Variants in CARMIL1 observed in about 807,000 individuals in gnomAD.
CARMIL1 encodes the protein F-actin-uncapping protein LRRC16A.
Under a neutral mutation model 177.1 loss-of-function variants are expected in CARMIL1, and 90 were observed. The observed-to-expected ratio is 0.51, with a 90% CI of 0.43 to 0.61. The LOEUF (loss-of-function observed/expected upper bound fraction) is 0.61, where lower values mean the gene tolerates loss of function less well. CARMIL1 is among the 20% of genes least tolerant of loss of function. CARMIL1 has a pLI of 0.00. For missense variants in CARMIL1, 1,380 were observed against 1,667.0 expected (o/e 0.83, Z 3.00); for synonymous variants, 577 against 606.2 (o/e 0.95, Z 0.71).
intron 27 of CARMIL1, among the ~76,000 whole-genome samples, chr6:25,553,649 T>C (rs1388304417): frequency 6.6e-6 from 1 of 152,224 alleles, no homozygotes; most frequent in East Asian, 1.9e-4. Flanking sequence ...CTTAATTTAC[T>C]CCAGCCCAGG....
intron 2 of CARMIL1, among the ~76,000 whole-genome samples, chr6:25,397,212 C>G (rs887576279): frequency 2.6e-5 from 4 of 152,154 alleles, no homozygotes; most frequent in African/African-American, 9.7e-5. Context: ...ATTTGAACTT[C>G]TTTTCCCCCA....
intron 2 of CARMIL1, among the ~76,000 whole-genome samples, chr6:25,380,008 T>G (rs1240635855): frequency 1.3e-5 from 2 of 152,070 alleles, no homozygotes; most frequent in Non-Finnish European, 2.9e-5. Context: ...TTCTGCTCTT[T>G]AAGGACTCTC....
chr6:25,610,172 T>C lies in CARMIL1; in HGVS notation c.3970T>C (p.Ser1324Pro). The change falls in exon 36 of 37, where the codon TCA becomes CCA. Residue 1324 changes from serine to proline, a missense_variant. Transcript: ENST00000329474. Reference protein sequence around the residue: ...SSPQPSPRTFSQEVSRRSWGQ... With the variant: ...SSPQPSPRTFPQEVSRRSWGQ... Reference sequence around the variant, plus strand: ...CCCCCAGCCCAGCCCCAGGACATTTTCACAGGAAGGTAAGGATTGTAAGGA... The same window carrying C: ...CCCCCAGCCCAGCCCCAGGACATTTCCACAGGAAGGTAAGGATTGTAAGGA... The C allele has an allele frequency of 6.2e-7, 1 of 1,613,332 alleles. No individual in the cohort carries two copies. The highest frequency in any genetic ancestry group is 8.5e-7 in the Non-Finnish European group (1 of 1,179,588).
Position 25,594,948 on chromosome 6 carries a change from G to A in CARMIL1, c.3119+421G>A, listed in dbSNP as rs1204907960. Among the ~76,000 whole-genome samples the A allele has an allele frequency of 2.6e-5, 4 of 152,250 alleles. No homozygotes were observed. The South Asian group carries it at 6.2e-4, about 24-fold the overall frequency. Reference sequence around the variant, plus strand: ...GTTATGCTGGAATTACTTACTTTGAGCTTCTCCTTGTTCATAATTTGATTT... The same window carrying A: ...GTTATGCTGGAATTACTTACTTTGAACTTCTCCTTGTTCATAATTTGATTT... On this transcript the variant is annotated intron_variant, in intron 32 of 36. Coordinates refer to ENST00000329474, the MANE Select transcript of CARMIL1 (RefSeq NM_017640.6).
At chr6:25,431,756 C>G (rs1796811010) in intron 4 of CARMIL1, among the ~76,000 whole-genome samples, 1 of 152,016 alleles carries the variant, frequency 6.6e-6, no homozygotes, top group Non-Finnish European at 1.5e-5. Flanking sequence ...TAGTCTTGCC[C>G]CTTTCAATAT....
At chr6:25,418,255 T>C (rs1795531944) in intron 2 of CARMIL1, among the ~76,000 whole-genome samples, 3 of 152,168 alleles carry the variant, frequency 2.0e-5, no homozygotes, top group Admixed American at 2.0e-4. Flanking sequence ...CTGGACACCC[T>C]ACAAGCAGGA....
intron 17 of CARMIL1, among the ~76,000 whole-genome samples, chr6:25,505,143 C>A (rs1363158468): frequency 6.6e-6 from 1 of 152,210 alleles, no homozygotes; most frequent in Non-Finnish European, 1.5e-5. Flanking sequence ...TTACATCTTT[C>A]AAGAAGGATT....
chr6:25,515,929 CG>C lies in CARMIL1; in HGVS notation c.1805+83del. 7.1e-7 allele frequency: 1 copy of C among 1,417,192 alleles called. No individual in the cohort carries two copies. 87.8% of individuals were successfully genotyped at this position (1,417,192 alleles called of 1,614,324 possible). The stretch of plus-strand genomic sequence containing the variant: ...GCAAGCATTGCAGAGCTGCTGGGCC[CG>C]AGGGGACCTGGGCTTCCCATGAGGC... On this transcript the variant is annotated intron_variant, in intron 21 of 36. Coordinates refer to ENST00000329474, the MANE Select transcript of CARMIL1 (RefSeq NM_017640.6). The surrounding 1 kb of genome is among the most constrained non-coding windows in gnomAD (Gnocchi z 5.0).
At chr6:25,608,897 T>A (rs1304671939) in intron 35 of CARMIL1, among the ~76,000 whole-genome samples, 1 of 152,152 alleles carries the variant, frequency 6.6e-6, no homozygotes, top group Non-Finnish European at 1.5e-5. Context: ...GATCCAGTAG[T>A]CAAGGGTGTC....
chr6:25,375,184 G>A (rs1188502051), intron 2 of CARMIL1, among the ~76,000 whole-genome samples: 1 of 152,128 alleles, frequency 6.6e-6, no homozygotes, highest in South Asian at 2.1e-4. Flanking sequence ...TGTAGGGTTG[G>A]TCTGGTAGTG....
At chr6:25,550,111 C>T (rs1809932066) in intron 26 of CARMIL1, among the ~76,000 whole-genome samples, 1 of 152,188 alleles carries the variant, frequency 6.6e-6, no homozygotes, top group East Asian at 1.9e-4. Flanking sequence ...CCAACCGTAT[C>T]ACCCATCTCA....
intron 2 of CARMIL1, among the ~76,000 whole-genome samples, chr6:25,395,647 CCTT>C (rs1337647500): frequency 2.0e-5 from 3 of 152,130 alleles, no homozygotes; most frequent in African/African-American, 4.8e-5. Context: ...CATTTTGGGA[CCTT>C]CTTTAATGAT....
At chr6:25,374,520 C>T (rs1051069582) in intron 2 of CARMIL1, among the ~76,000 whole-genome samples, 1 of 152,102 alleles carries the variant, frequency 6.6e-6, no homozygotes, top group Non-Finnish European at 1.5e-5. Flanking sequence ...GTGGGATATT[C>T]TGTGACTATA....
intron 17 of CARMIL1, among the ~76,000 whole-genome samples, chr6:25,502,623 C>A (rs1214907925): frequency 6.6e-6 from 1 of 151,164 alleles, no homozygotes; most frequent in South Asian, 2.1e-4. Context: ...TTAGCAATAA[C>A]TTCTAATGTG....
At chr6:25,307,268 GA>G (rs1406946136) in intron 2 of CARMIL1, among the ~76,000 whole-genome samples, 7 of 152,228 alleles carry the variant, frequency 4.6e-5, no homozygotes, top group Non-Finnish European at 7.3e-5. Context: ...CTTTAAATTA[GA>G]AAAGTGAACA....
intron 29 of CARMIL1, among the ~76,000 whole-genome samples, chr6:25,569,904 A>G (rs545812249): frequency 1.3e-5 from 2 of 152,358 alleles, no homozygotes; most frequent in East Asian, 3.9e-4. Context: ...AGAAAATATT[A>G]AAATGCTATT....
At chr6:25,481,493 T>C (rs1032559980) in intron 11 of CARMIL1, among the ~76,000 whole-genome samples, 2 of 152,218 alleles carry the variant, frequency 1.3e-5, no homozygotes, top group African/African-American at 2.4e-5. Flanking sequence ...TTAAGGAGCC[T>C]TCTCAAGAAC....
chr6:25,377,696 G>A (rs1791127801), intron 2 of CARMIL1, among the ~76,000 whole-genome samples: 1 of 152,162 alleles, frequency 6.6e-6, no homozygotes, highest in Non-Finnish European at 1.5e-5. Flanking sequence ...TGGTCACATG[G>A]ACAGACTCAG....
intron 26 of CARMIL1, among the ~76,000 whole-genome samples, chr6:25,550,614 T>C (rs1809989600): frequency 6.6e-6 from 1 of 152,158 alleles, no homozygotes; most frequent in Admixed American, 6.6e-5. Context: ...TTTTTAATCT[T>C]CTCGTTAATG....
Sources: gnomAD v4.1 joint callset for allele counts (sites outside exome capture counted in the v4.1 genomes callset) on GRCh38, gnomAD v4.1.1 for gene constraint, Gnocchi (gnomAD v3.1) non-coding constraint, MANE v1.5 for transcripts, NCBI Gene and HGNC (gene_info 2026-07-23, HGNC 2026-07-21) for gene names.